The following TGM4 variants were observed in gnomAD, a reference collection of about 807,000 sequenced individuals.
The protein encoded by TGM4 is protein-glutamine gamma-glutamyltransferase 4.
Under a neutral mutation model 76.3 loss-of-function variants are expected in TGM4, and 61 were observed. That is an observed-to-expected ratio of 0.80 (90% CI 0.65 to 0.99). TGM4 has a LOEUF of 0.99. Among genes scored for constraint, TGM4 ranks in the 50% least tolerant of loss-of-function variants. TGM4 has a pLI of 0.00. For synonymous variants in TGM4, 337 were observed against 329.8 expected, an observed-to-expected ratio of 1.02 and a Z score of -0.24; for missense variants, 794 against 843.2, an observed-to-expected ratio of 0.94 and a Z score of 0.72.
At chr3:44,886,011 A>C (rs1699602548) in intron 2 of TGM4, among the ~76,000 whole-genome samples, 1 of 152,164 alleles carries the variant, frequency 6.6e-6, no homozygotes, top group Non-Finnish European at 1.5e-5. Flanking sequence ...ATAATGGAGG[A>C]GGGTCTTACT....
In TGM4 at chr3:44,901,867, A is replaced by G. The variant is rs753817693; in HGVS notation, c.907A>G (p.Thr303Ala). The G allele has an allele frequency of 6.2e-7, 1 of 1,614,186 alleles. No individual in the cohort carries two copies. Among genetic ancestry groups the G allele is most frequent in the Admixed American group, 1.7e-5 (1 of 60,026 alleles). ...AGCTCACGACACAGAAAGGAACCTC[A>G]CGGTGGACACCTATGTGAATGAGAA... Reference protein sequence around the residue: ...DSAHDTERNLTVDTYVNENGE... With the variant: ...DSAHDTERNLAVDTYVNENGE... The change falls in exon 8 of 14, where the codon ACG becomes GCG. Residue 303 changes from threonine (T) to alanine (A), a missense_variant. Thr to Ala is a moderately conservative substitution (Grantham distance 58). Coordinates refer to ENST00000296125, the MANE Select transcript of TGM4 (RefSeq NM_003241.4).
chr3:44,912,179 C>A (rs1700014270), intron 13 of TGM4, among the ~76,000 whole-genome samples: 1 of 152,200 alleles, frequency 6.6e-6, no homozygotes, highest in Non-Finnish European at 1.5e-5. Context: ...ACCAGTAGAA[C>A]TTTTAAATTT....
intron 1 of TGM4, among the ~76,000 whole-genome samples, chr3:44,877,304 C>T (rs983036542): frequency 1.3e-5 from 2 of 152,008 alleles, no homozygotes; most frequent in African/African-American, 2.4e-5. Context: ...AAAAATTAGC[C>T]GGGTGTGGTG....
chr3:44,914,620 C>T lies in TGM4; in HGVS notation c.*895C>T, dbSNP rs1400053497. 5 of 152,160 alleles carry T rather than the reference C, an allele frequency of 3.3e-5. 1 individual carries two copies. The highest frequency in any genetic ancestry group is 2.6e-4 in the Admixed American group (4 of 15,282). The allele number at this position is 152,160 out of a possible 1,614,324, so 9.4% of individuals were successfully genotyped here. ...AAGAAAACTCTGTGGTCCCTGAGTC[C>T]TTTTTTCTTTATGCCAATAAGCTTC... On this transcript the variant is annotated 3_prime_UTR_variant, in exon 14 of 14. Coordinates refer to ENST00000296125, the MANE Select transcript of TGM4 (RefSeq NM_003241.4).
intron 2 of TGM4, among the ~76,000 whole-genome samples, chr3:44,885,845 T>C: frequency 6.6e-6 from 1 of 152,136 alleles, no homozygotes; most frequent in Non-Finnish European, 1.5e-5. Context: ...CGGGGTGGGC[T>C]GGAGGCAAGC....
At position 44,893,686 on chromosome 3, in the gene TGM4, C is replaced by G. The variant is rs1699735324; in HGVS notation, c.540C>G (p.Asn180Lys). The G allele has an allele frequency of 1.2e-6, 2 of 1,613,740 alleles. No homozygotes were observed. Among genetic ancestry groups the G allele is most frequent in the South Asian group, 2.2e-5 (2 of 91,080 alleles). ...AARSIKCKPW[N>K]FGQFEKNVLD... is the part of the protein sequence containing the mutation. Reference sequence around the variant, plus strand: ...GAAGTATCAAATGCAAACCCTGGAACTTTGGTCAGGTAATGATTTGTCGTC... The same window carrying G: ...GAAGTATCAAATGCAAACCCTGGAAGTTTGGTCAGGTAATGATTTGTCGTC... Residue 180 changes from asparagine (N) to lysine (K), a missense_variant, in exon 5 of 14, where the codon AAC becomes AAG. Physicochemically the swap from Asn to Lys is moderately conservative, Grantham distance 94 (BLOSUM62 0). Transcript: ENST00000296125.
At position 44,911,372 on chromosome 3, in the gene TGM4, C is replaced by G. The variant is rs771893805; in HGVS notation, c.1879C>G (p.Leu627Val). 11 of 1,614,124 alleles carry G rather than the reference C, an allele frequency of 6.8e-6. No individual in the cohort carries two copies. The highest frequency in any genetic ancestry group is 9.3e-6 in the Non-Finnish European group (11 of 1,180,052). The change falls in exon 13 of 14, where the codon CTG becomes GTG. Residue 627 changes from leucine to valine, a missense_variant. By Grantham distance (32) the Leu-to-Val change is conservative (BLOSUM62 1). Transcript: ENST00000296125. ...TGACGTCAAGTTCTCTTTGGAAAGCCTGGGCATCTCCTCACTACAGACCTC... is the reference window on the plus strand; with the variant it reads ...TGACGTCAAGTTCTCTTTGGAAAGCGTGGGCATCTCCTCACTACAGACCTC... Reference protein sequence around the residue: ...LTDVKFSLESLGISSLQTSDH... With the variant: ...LTDVKFSLESVGISSLQTSDH...
intron 1 of TGM4, among the ~76,000 whole-genome samples, chr3:44,881,017 A>G (rs994781839): frequency 6.6e-6 from 1 of 151,512 alleles, no homozygotes; most frequent in African/African-American, 2.4e-5. Context: ...CAGGAGTTTG[A>G]GACCAGCCTG....
chr3:44,913,481 T>A, intron 13 of TGM4, 103 bp from the exon 14 acceptor site: 1 of 1,439,608 alleles, frequency 6.9e-7, no homozygotes, highest in Non-Finnish European at 9.3e-7. Flanking sequence ...TCAAAGAGGC[T>A]GAGCTAAGGC....
chr3:44,874,724 C>A, intron 1 of TGM4, 27 bp downstream of exon 1: 2 of 1,614,014 alleles, frequency 1.2e-6, no homozygotes, highest in Non-Finnish European at 1.7e-6. Flanking sequence ...TCCATGGAGC[C>A]CCACATGCCC....
At position 44,910,963 on chromosome 3, in the gene TGM4, G is replaced by A. The variant is rs200681278; in HGVS notation, c.1612G>A (p.Glu538Lys). ...CCACCCTGACTCTTTGGCAGTATCA[G>A]AAGTGACTCTGACCTTGGACTCCAA... ...KTSQIQGQVS[E>K]VTLTLDSKTY... The change falls in exon 12 of 14, where the codon GAA becomes AAA. Residue 538 changes from glutamate (E) to lysine (K), a missense_variant. By Grantham distance (56) the Glu-to-Lys change is moderately conservative. Coordinates refer to ENST00000296125, the MANE Select transcript of TGM4 (RefSeq NM_003241.4). 1 of 1,614,072 alleles carries A rather than the reference G, an allele frequency of 6.2e-7. No individual in the cohort carries two copies. Among genetic ancestry groups the A allele is most frequent in the East Asian group, 2.2e-5 (1 of 44,888 alleles).
At chr3:44,889,405 C>T (rs1042318235) in intron 3 of TGM4, among the ~76,000 whole-genome samples, 5 of 152,066 alleles carry the variant, frequency 3.3e-5, no homozygotes, top group Admixed American at 2.6e-4. Context: ...CTTTTCCACA[C>T]CTGCCCTTTC....
At chr3:44,891,209 G>A (rs1378191189) in intron 4 of TGM4, among the ~76,000 whole-genome samples, 3 of 152,136 alleles carry the variant, frequency 2.0e-5, no homozygotes, top group Admixed American at 1.3e-4. Context: ...GCCATTACCA[G>A]CACTGGCTTC....
At chr3:44,875,153 A>G (rs1428569982) in intron 1 of TGM4, among the ~76,000 whole-genome samples, 2 of 152,222 alleles carry the variant, frequency 1.3e-5, no homozygotes, top group Non-Finnish European at 2.9e-5. Context: ...GGACATGAAC[A>G]CCATTTCAAT....
chr3:44,877,969 A>G (rs1291537466), intron 1 of TGM4, among the ~76,000 whole-genome samples: 1 of 152,084 alleles, frequency 6.6e-6, no homozygotes, highest in Non-Finnish European at 1.5e-5. Flanking sequence ...TGGGCAACAT[A>G]AGGAGACCCC....
In TGM4 at chr3:44,896,622, G is replaced by T. The variant is rs1699781534; in HGVS notation, c.550-87G>T. On this transcript the variant is annotated intron_variant, in intron 5 of 13. Transcript: ENST00000296125. The stretch of plus-strand genomic sequence containing the variant: ...GGGAGATGGGTTACGCTACAGGGTG[G>T]CTGTGACATGCAAATTAGATGGTAT... The T allele has an allele frequency of 8.9e-6, 11 of 1,238,118 alleles. No homozygotes were observed. In the South Asian group the frequency reaches 1.1e-4, roughly 12 times the overall value. 76.7% of individuals were successfully genotyped at this position (1,238,118 alleles called of 1,614,324 possible).
intron 6 of TGM4, among the ~76,000 whole-genome samples, chr3:44,898,466 A>AATATTACC: frequency 6.6e-6 from 1 of 152,280 alleles, no homozygotes; most frequent in Admixed American, 6.5e-5. Flanking sequence ...GAAGAAGGCA[A>AATATTACC]ATATTACCTT....
intron 1 of TGM4, among the ~76,000 whole-genome samples, chr3:44,880,413 T>C (rs142047705): frequency 6.6e-5 from 10 of 152,352 alleles, no homozygotes; most frequent in African/African-American, 2.2e-4. Context: ...AAAGAGGTGA[T>C]GTTTGAAATT....
chr3:44,903,342 G>A (rs1321283528), intron 8 of TGM4, among the ~76,000 whole-genome samples: 1 of 152,160 alleles, frequency 6.6e-6, no homozygotes, highest in African/African-American at 2.4e-5. Context: ...AAAATAGCAA[G>A]ATTTAATATG....
Sources: allele counts gnomAD v4.1 joint callset (sites outside exome capture counted in the v4.1 genomes callset), GRCh38; gene constraint gnomAD v4.1.1; transcripts MANE v1.5; gene names NCBI Gene and HGNC (gene_info 2026-07-23, HGNC 2026-07-21).